Variants in MTBP observed in about 807,000 individuals in gnomAD.
The protein encoded by MTBP is mdm2-binding protein.
In MTBP, 101 loss-of-function variants were observed where a neutral mutation model predicts 117.0. That is an observed-to-expected ratio of 0.86 (90% CI 0.73 to 1.02). MTBP has a LOEUF of 1.02. MTBP is among the 50% of genes least tolerant of loss of function. MTBP has a pLI of 0.00. For missense variants in MTBP, 970 were observed against 1,030.9 expected (o/e 0.94, Z 0.81); for synonymous variants, 350 against 351.5 (o/e 1.00, Z 0.05).
intron 7 of MTBP, among the ~76,000 whole-genome samples, chr8:120,457,214 A>C (rs1323011405): frequency 6.6e-6 from 1 of 151,734 alleles, no homozygotes; most frequent in Non-Finnish European, 1.5e-5. Flanking sequence ...TATTAGGTGG[A>C]CTCTTCTAAT....
At chr8:120,466,305 G>A (rs1167811362) in intron 10 of MTBP, among the ~76,000 whole-genome samples, 9 of 149,158 alleles carry the variant, frequency 6.0e-5, no homozygotes, top group South Asian at 2.1e-4. Flanking sequence ...TCCGTCTCCC[G>A]GGTTCAAGCA....
intron 11 of MTBP, chr8:120,472,177 A>G (rs181116297): frequency 6.6e-6 from 1 of 152,232 alleles, no homozygotes; most frequent in Non-Finnish European, 1.5e-5. Context: ...TGAGGAATAC[A>G]GTTTTAAAAT....
At chr8:120,482,701 TC>T (rs1219673883) in intron 11 of MTBP, among the ~76,000 whole-genome samples, 29 of 152,036 alleles carry the variant, frequency 1.9e-4, no homozygotes, top group African/African-American at 6.8e-4. Flanking sequence ...TTTTTTTTTT[TC>T]TTTCTTTCTT....
chr8:120,502,612 A>T lies in MTBP; in HGVS notation c.1727+3A>T. 1 of 1,548,674 alleles carries T rather than the reference A, an allele frequency of 6.5e-7. No homozygotes were observed. The highest frequency in any genetic ancestry group is 1.2e-5 in the South Asian group (1 of 85,038). On this transcript the variant is annotated splice_donor_region_variant and intron_variant, in intron 15 of 21. Transcript: ENST00000305949. ...GAAAAAACTAAACAAAAAATGAGGT[A>T]ATATTTGAATCTGTAGTAAAGCATG...
intron 14 of MTBP, among the ~76,000 whole-genome samples, chr8:120,500,918 G>A (rs140058642): frequency 0.014 from 2,087 of 151,988 alleles, 41 homozygotes; most frequent in African/African-American, 0.046. Flanking sequence ...TAGGCCAGGC[G>A]CGGTGGCTCA....
intron 15 of MTBP, among the ~76,000 whole-genome samples, chr8:120,504,198 C>T (rs1163128510): frequency 6.6e-6 from 1 of 152,030 alleles, no homozygotes; most frequent in Non-Finnish European, 1.5e-5. Flanking sequence ...CAGGAGAAGA[C>T]AAGAAAGAAG....
intron 17 of MTBP, among the ~76,000 whole-genome samples, chr8:120,514,843 T>C (rs1380568121): frequency 6.6e-6 from 1 of 152,086 alleles, no homozygotes; most frequent in Non-Finnish European, 1.5e-5. Flanking sequence ...ATAAGTACTA[T>C]AATTCTCATT....
At chr8:120,521,638 A>G (rs1815008366) in intron 20 of MTBP, among the ~76,000 whole-genome samples, 1 of 152,220 alleles carries the variant, frequency 6.6e-6, no homozygotes, top group South Asian at 2.1e-4. Flanking sequence ...GTAACTTGGA[A>G]GTACAACAGA....
At chr8:120,489,395 C>G (rs1814294841) in intron 12 of MTBP, among the ~76,000 whole-genome samples, 1 of 152,138 alleles carries the variant, frequency 6.6e-6, no homozygotes, top group Admixed American at 6.5e-5. Flanking sequence ...AGCTACAAGG[C>G]TTTCTGTTTC....
In MTBP at chr8:120,518,115, C is replaced by T; in HGVS notation, c.2496+15C>T. ...AACACACACGGGTAAAGATTTATTT[C>T]CCATTTTTCTTAGTTCTACATAGGA... On this transcript the variant is annotated intron_variant, in intron 19 of 21. Transcript: ENST00000305949. The T allele has an allele frequency of 6.2e-7, 1 of 1,605,894 alleles. No homozygotes were observed. Among genetic ancestry groups the T allele is most frequent in the Non-Finnish European group, 8.5e-7 (1 of 1,175,812 alleles).
intron 5 of MTBP, among the ~76,000 whole-genome samples, chr8:120,454,496 A>G (rs946493322): frequency 1.3e-5 from 2 of 151,970 alleles, no homozygotes; most frequent in African/African-American, 4.8e-5. Context: ...AATATTTGGT[A>G]CAGTTGGTAT....
In MTBP at chr8:120,460,889, T is replaced by C. The variant is rs143315965; in HGVS notation, c.883-272T>C. On this transcript the variant is annotated intron_variant, in intron 8 of 21. Transcript: ENST00000305949. The stretch of plus-strand genomic sequence containing the variant: ...AAACAGCAAAAGTTGAGAACGCTTG[T>C]CCTCTGTTGCTTACCTCTTCCCATA... Among the ~76,000 whole-genome samples, 1,234 of 152,292 alleles carry C rather than the reference T, an allele frequency of 8.1e-3. 10 individuals carry two copies. The highest frequency in any genetic ancestry group is 0.017 in the Middle Eastern group (5 of 294).
Position 120,447,329 on chromosome 8 carries a change from A to G in MTBP, c.199+816A>G, listed in dbSNP as rs188982807. ...ATAACACCATTGGGGAATGATTTCT[A>G]ATATGTGTATGCTACTCTAGCTTGT... On this transcript the variant is annotated intron_variant, in intron 2 of 21. Transcript: ENST00000305949. Among the ~76,000 whole-genome samples the G allele has an allele frequency of 5.1e-3, 770 of 152,214 alleles. 10 individuals carry two copies. The highest frequency in any genetic ancestry group is 0.018 in the African/African-American group (729 of 41,522).
intron 4 of MTBP, 59 bp from the exon 5 acceptor site, chr8:120,453,788 T>C: frequency 1.3e-6 from 1 of 775,800 alleles, no homozygotes; most frequent in Non-Finnish European, 2.0e-6. Context: ...TTACCTATTA[T>C]GATTATATAT....
intron 11 of MTBP, chr8:120,471,648 C>T (rs1364791312): frequency 2.0e-5 from 3 of 152,080 alleles, no homozygotes; most frequent in African/African-American, 7.2e-5. Context: ...CACAGTATTC[C>T]AAGTATTCTA....
intron 4 of MTBP, 58 bp from the exon 5 acceptor site, chr8:120,453,789 G>C: frequency 1.3e-6 from 1 of 785,854 alleles, no homozygotes. Context: ...TACCTATTAT[G>C]ATTATATATA....
chr8:120,473,792 G>C (rs1220382097), intron 11 of MTBP: 5 of 152,034 alleles, frequency 3.3e-5, no homozygotes, highest in African/African-American at 4.8e-5. Context: ...TGGCAATATA[G>C]TCAATTTCGC....
At chr8:120,448,587 A>G (rs1586934204) in intron 2 of MTBP, among the ~76,000 whole-genome samples, 1 of 152,342 alleles carries the variant, frequency 6.6e-6, no homozygotes, top group East Asian at 1.9e-4. Flanking sequence ...ACGTACTTTA[A>G]AAGTAGTAAC....
intron 2 of MTBP, among the ~76,000 whole-genome samples, chr8:120,446,724 A>G (rs1026133814): frequency 2.0e-5 from 3 of 152,152 alleles, no homozygotes; most frequent in African/African-American, 7.2e-5. Flanking sequence ...AAATTATTCT[A>G]GGTTCTCAGC....
Sources: allele counts gnomAD v4.1 joint callset (sites outside exome capture counted in the v4.1 genomes callset), GRCh38; gene constraint gnomAD v4.1.1; transcripts MANE v1.5; gene names NCBI Gene and HGNC (gene_info 2026-07-23, HGNC 2026-07-21).